Variants in PTPN20 observed in about 807,000 individuals in gnomAD.
PTPN20 encodes the protein protein tyrosine phosphatase non-receptor type 20, also known as tyrosine-protein phosphatase non-receptor type 20.
A neutral mutation model predicts 35.0 loss-of-function variants in PTPN20; 9 were observed. That is an observed-to-expected ratio of 0.26 (90% CI 0.15 to 0.45). PTPN20 has a LOEUF of 0.45. Among genes scored for constraint, PTPN20 ranks in the 20% least tolerant of loss-of-function variants. The pLI is 1.00. For synonymous variants in PTPN20, 32 were observed against 100.2 expected (o/e 0.32, Z 4.06); for missense variants, 111 against 312.5 (o/e 0.36, Z 4.86).
In PTPN20 at chr10:46,957,110, CTG is replaced by C. The variant is rs1474797857; in HGVS notation, c.341-7865_341-7864del. Among the ~76,000 whole-genome samples the C allele has an allele frequency of 1.9e-3, 243 of 130,658 alleles. 1 individual carries two copies. The highest frequency in any genetic ancestry group is 7.1e-3 in the African/African-American group (236 of 33,030). 85.7% of individuals were successfully genotyped at this position (130,658 alleles called of 152,430 possible). A position where few individuals can be genotyped will look rare whatever the true frequency, so the allele number is the denominator to read the frequency against. On this transcript the variant is annotated intron_variant, in intron 5 of 10. Coordinates refer to ENST00000374339, the MANE Select transcript of PTPN20 (RefSeq NM_001042357.5). ...TTTACTGAATTTATTTTTTTTAACT[CTG>C]TGTGTGTGTGAATATGTGTGTGTAA...
At chr10:46,997,387 T>C (rs1370682170) in intron 9 of PTPN20, among the ~76,000 whole-genome samples, 7 of 151,732 alleles carry the variant, frequency 4.6e-5, no homozygotes. Flanking sequence ...TTAGATTCTT[T>C]AGTGTGTTCT....
chr10:46,937,950 C>CTTTTTTTTTTTTTTTTTTTTTTTTTTTTT (rs1266304586), intron 2 of PTPN20, among the ~76,000 whole-genome samples: 1 of 127,180 alleles, frequency 7.9e-6, no homozygotes, highest in Admixed American at 8.1e-5. Flanking sequence ...TTTTTCTTTT[C>CTTTTTTTTTTTTTTTTTTTTTTTTTTTTT]TTTTTTTTTT....
intron 5 of PTPN20, among the ~76,000 whole-genome samples, chr10:46,959,016 T>C (rs2049116074): frequency 6.8e-6 from 1 of 146,664 alleles, no homozygotes; most frequent in South Asian, 2.2e-4. Flanking sequence ...TCTGTATGTA[T>C]CTGTTAGATA....
chr10:46,992,130 T>C (rs1311206923), intron 9 of PTPN20, among the ~76,000 whole-genome samples: 1 of 151,102 alleles, frequency 6.6e-6, no homozygotes, highest in Non-Finnish European at 1.5e-5. Flanking sequence ...AATTTTTTTT[T>C]TTTTTTTTTT....
At position 46,940,604 on chromosome 10, in the gene PTPN20, T is replaced by C. The variant is rs1234614777; in HGVS notation, c.35-19T>C. On this transcript the variant is annotated intron_variant, in intron 2 of 10. Transcript: ENST00000374339. ...TAGTGTTTTCTATTTGATCAGTTTT[T>C]CCCCCCGCCTTTGTTCAGTAAACGA... 1.2e-5 allele frequency: 19 copies of C among 1,599,896 alleles called. No individual in the cohort carries two copies. The highest frequency in any genetic ancestry group is 1.5e-5 in the Non-Finnish European group (18 of 1,170,728).
rs1436541985 is a variant in PTPN20 at position 46,925,777 on chromosome 10, A to C, written c.-123-6600A>C. Among the ~76,000 whole-genome samples the C allele has an allele frequency of 2.8e-3, 428 of 151,786 alleles. 17 individuals are homozygous for C. The highest frequency in any genetic ancestry group is 0.01 in the African/African-American group (414 of 41,112). Reference sequence around the variant, plus strand: ...ACTAATGGTCTTCAGTGTTTTAAAGAGAAAGTTTATGGACTTAAAAAATTT... The same window carrying C: ...ACTAATGGTCTTCAGTGTTTTAAAGCGAAAGTTTATGGACTTAAAAAATTT... On this transcript the variant is annotated intron_variant, in intron 1 of 10. Transcript: ENST00000374339.
intron 5 of PTPN20, chr10:46,948,007 T>C (rs2045510156): frequency 2.2e-6 from 1 of 446,590 alleles, no homozygotes; most frequent in African/African-American, 2.0e-5. Flanking sequence ...ACAGACAAAC[T>C]GTATTCCAAA....
At chr10:46,972,622 C>A (rs2052556594) in intron 7 of PTPN20, among the ~76,000 whole-genome samples, 1 of 44,134 alleles carries the variant, frequency 2.3e-5, no homozygotes, top group Admixed American at 2.6e-4. Context: ...GGTATGTCTA[C>A]ATAATAGAAT....
At chr10:46,918,489 G>T (rs2033818420) in intron 1 of PTPN20, among the ~76,000 whole-genome samples, 2 of 73,432 alleles carry the variant, frequency 2.7e-5, no homozygotes, top group Non-Finnish European at 4.8e-5. Flanking sequence ...CTCATTTGAG[G>T]CCTCTATTAT....
At chr10:46,919,077 A>G (rs2034140318) in intron 1 of PTPN20, among the ~76,000 whole-genome samples, 1 of 145,288 alleles carries the variant, frequency 6.9e-6, no homozygotes, top group Admixed American at 6.9e-5. Context: ...TTTAAAGTCT[A>G]TGTTGTCGAT....
chr10:46,925,798 A>C (rs2037131435), intron 1 of PTPN20, among the ~76,000 whole-genome samples: 1 of 151,714 alleles, frequency 6.6e-6, no homozygotes, highest in Non-Finnish European at 1.5e-5. Flanking sequence ...GGACTTAAAA[A>C]ATTTTGTACC....
At chr10:46,945,162 C>G in intron 4 of PTPN20, among the ~76,000 whole-genome samples, 1 of 147,392 alleles carries the variant, frequency 6.8e-6, no homozygotes, top group Non-Finnish European at 1.5e-5. Flanking sequence ...AGAGGTGGAG[C>G]CCAAAATACA....
chr10:46,983,076 T>TC (rs2055978569), intron 7 of PTPN20, among the ~76,000 whole-genome samples: 2 of 122,634 alleles, frequency 1.6e-5, no homozygotes, highest in South Asian at 6.7e-4. Context: ...TTTTTTTTTT[T>TC]TTTTTTTTTT....
chr10:46,923,044 G>C (rs2035910519), intron 1 of PTPN20, among the ~76,000 whole-genome samples: 1 of 143,230 alleles, frequency 7.0e-6, no homozygotes, highest in African/African-American at 2.9e-5. Context: ...ATGGGTCAAG[G>C]GTCCTGGAGA....
intron 9 of PTPN20, among the ~76,000 whole-genome samples, chr10:46,994,425 A>G (rs1243970666): frequency 3.0e-5 from 4 of 131,872 alleles, no homozygotes; most frequent in Non-Finnish European, 4.6e-5. Flanking sequence ...GCCGCCTCCC[A>G]GGTTCACGCC....
chr10:46,920,426 C>T (rs1393400902), intron 1 of PTPN20, among the ~76,000 whole-genome samples: 2 of 145,966 alleles, frequency 1.4e-5, no homozygotes, highest in Admixed American at 1.4e-4. Flanking sequence ...GAAATGTGTT[C>T]GTGTAAGACA....
At chr10:46,988,767 C>T (rs2057317716) in intron 9 of PTPN20, among the ~76,000 whole-genome samples, 1 of 151,858 alleles carries the variant, frequency 6.6e-6, no homozygotes, top group African/African-American at 2.4e-5. Flanking sequence ...TTGTTTCTGT[C>T]CTCTTCGTTT....
At chr10:47,000,021 A>C (rs782637997) in intron 10 of PTPN20, 47 bp downstream of exon 10, 6 of 1,609,540 alleles carry the variant, frequency 3.7e-6, no homozygotes, top group Non-Finnish European at 5.1e-6. Flanking sequence ...GAATATAAAG[A>C]TTAACATTGC....
chr10:46,954,101 G>C (rs9422321), intron 5 of PTPN20, among the ~76,000 whole-genome samples: 5 of 68,202 alleles, frequency 7.3e-5, no homozygotes, highest in African/African-American at 2.6e-4. Flanking sequence ...TTTTTTTTTT[G>C]GGGGGGGGTG....
Sources: gnomAD v4.1 joint callset for allele counts (sites outside exome capture counted in the v4.1 genomes callset) on GRCh38, gnomAD v4.1.1 for gene constraint, MANE v1.5 for transcripts, NCBI Gene and HGNC (gene_info 2026-07-23, HGNC 2026-07-21) for gene names.